SLC5A4: variants seen among roughly 807,000 people sequenced by gnomAD.
The protein encoded by SLC5A4 is solute carrier family 5 member 4.
Under a neutral mutation model 70.3 loss-of-function variants are expected in SLC5A4, and 55 were observed. The observed-to-expected ratio is 0.78, with a 90% CI of 0.63 to 0.98. The LOEUF is 0.98. Among genes scored for constraint, SLC5A4 ranks in the 50% least tolerant of loss-of-function variants. The probability of loss-of-function intolerance (pLI) is 0.00; values close to 1 mark genes in which losing one functional copy is unlikely to be tolerated. For missense variants in SLC5A4, 735 were observed against 839.2 expected (o/e 0.88, Z 1.53); for synonymous variants, 268 against 305.7 (o/e 0.88, Z 1.29).
chr22:32,327,289 A>G, the SLC5A4 span: 3 of 152,280 alleles, frequency 2.0e-5, no homozygotes, highest in Non-Finnish European at 4.4e-5. Flanking sequence ...GCACAGATCC[A>G]GGCTGATGAC....
chr22:32,239,552 A>ATT (rs1439299492), intron 5 of SLC5A4, among the ~76,000 whole-genome samples: 19 of 15,154 alleles, frequency 1.3e-3, no homozygotes, highest in African/African-American at 8.9e-3. Flanking sequence ...ATATATATAT[A>ATT]TATATATATA....
chr22:32,238,964 C>A (rs185715621), intron 6 of SLC5A4, 21 bp downstream of exon 6: 2 of 1,571,804 alleles, frequency 1.3e-6, no homozygotes, highest in African/African-American at 2.7e-5. Context: ...CCTGAGTGAG[C>A]AAAATATGCA....
At chr22:32,306,245 C>A in the SLC5A4 span, among the ~76,000 whole-genome samples, 1 of 152,080 alleles carries the variant, frequency 6.6e-6, no homozygotes, top group Non-Finnish European at 1.5e-5. Context: ...GCAGGCAGAT[C>A]ACGAGGTTAG....
the SLC5A4 span, among the ~76,000 whole-genome samples, chr22:32,342,673 T>C: frequency 6.6e-6 from 1 of 152,246 alleles, no homozygotes; most frequent in Admixed American, 6.5e-5. Flanking sequence ...GCTTATTTAA[T>C]AGTGTCCACT....
Position 32,234,825 on chromosome 22 carries a change from C to T in SLC5A4, c.885+48G>A, listed in dbSNP as rs372973820. 281 of 1,348,170 alleles carry T rather than the reference C, an allele frequency of 2.1e-4. No homozygotes were observed. The African/African-American group carries it at 3.5e-3, about 17-fold the overall frequency. 83.5% of individuals were successfully genotyped at this position (1,348,170 alleles called of 1,614,324 possible). On this transcript the variant is annotated intron_variant, in intron 8 of 14. Coordinates refer to ENST00000266086, the MANE Select transcript of SLC5A4 (RefSeq NM_014227.3). Reference sequence around the variant, plus strand: ...ACAAGCACATGCACACATACAGACACACAGACAGACAGACAGACAGACAGA... The same window carrying T: ...ACAAGCACATGCACACATACAGACATACAGACAGACAGACAGACAGACAGA...
the SLC5A4 span, among the ~76,000 whole-genome samples, chr22:32,335,029 G>A: frequency 3.3e-5 from 5 of 152,304 alleles, no homozygotes; most frequent in East Asian, 1.9e-4. Flanking sequence ...GGGCCAGCTC[G>A]CATGGAGGCT....
the SLC5A4 span, among the ~76,000 whole-genome samples, chr22:32,282,044 T>G: frequency 2.0e-5 from 3 of 151,834 alleles, no homozygotes; most frequent in African/African-American, 7.3e-5. Flanking sequence ...CGTTTCACCA[T>G]GTTGTCCAGG....
chr22:32,261,288 C>T, the SLC5A4 span, among the ~76,000 whole-genome samples: 1 of 152,248 alleles, frequency 6.6e-6, no homozygotes, highest in Admixed American at 6.5e-5. Flanking sequence ...CCATTGCAAC[C>T]TTAAGCTGCC....
At chr22:32,314,174 C>T in the SLC5A4 span, among the ~76,000 whole-genome samples, 326 of 152,268 alleles carry the variant, frequency 2.1e-3, 5 homozygotes, top group African/African-American at 7.4e-3. Flanking sequence ...TGAGAGATTC[C>T]GTGGGGCCAT....
At chr22:32,353,168 G>A in the SLC5A4 span, among the ~76,000 whole-genome samples, 1 of 152,170 alleles carries the variant, frequency 6.6e-6, no homozygotes, top group Non-Finnish European at 1.5e-5. Context: ...CTAGGGCCTG[G>A]AGTGGGGACT....
chr22:32,251,042 G>A (rs928571022), intron 3 of SLC5A4, among the ~76,000 whole-genome samples: 2 of 150,438 alleles, frequency 1.3e-5, no homozygotes, highest in South Asian at 2.1e-4. Context: ...GTTCACAGGT[G>A]CAGCAAACCA....
At chr22:32,257,773 C>T (rs533351726), upstream of SLC5A4, among the ~76,000 whole-genome samples, 3 of 151,530 alleles carry the variant, frequency 2.0e-5, no homozygotes, top group Non-Finnish European at 4.4e-5. Flanking sequence ...TCAAGCGATT[C>T]TCCTGCCTCA....
chr22:32,307,174 T>C, the SLC5A4 span, among the ~76,000 whole-genome samples: 6 of 148,344 alleles, frequency 4.0e-5, no homozygotes, highest in East Asian at 1.0e-3. Flanking sequence ...TGGAGGGTTG[T>C]GAACCCTGCA....
At chr22:32,348,856 A>G in the SLC5A4 span, among the ~76,000 whole-genome samples, 1 of 152,224 alleles carries the variant, frequency 6.6e-6, no homozygotes, top group Non-Finnish European at 1.5e-5. Flanking sequence ...TTTGGTCAAC[A>G]CGCTCAGACA....
At chr22:32,306,138 C>CCTTTATTAAAACCTAGGGACATTG in the SLC5A4 span, among the ~76,000 whole-genome samples, 1 of 152,162 alleles carries the variant, frequency 6.6e-6, no homozygotes, top group Admixed American at 6.5e-5. Context: ...ACATGACACT[C>CCTTTATTAAAACCTAGGGACATTG]CTTTATTAAA....
At chr22:32,330,456 T>G in the SLC5A4 span, among the ~76,000 whole-genome samples, 91 of 60,978 alleles carry the variant, frequency 1.5e-3, 1 homozygote, top group Non-Finnish European at 2.0e-3. Context: ...GGCTCTGGGG[T>G]GTGTGTGTGT....
At chr22:32,340,715 C>T in the SLC5A4 span, among the ~76,000 whole-genome samples, 6 of 152,030 alleles carry the variant, frequency 3.9e-5, no homozygotes, top group African/African-American at 7.2e-5. Context: ...GGGGCTGGTG[C>T]GGCTGCAGCC....
chr22:32,273,434 A>G, the SLC5A4 span: 4 of 162,004 alleles, frequency 2.5e-5, no homozygotes, highest in African/African-American at 9.6e-5. Context: ...AAATGGACAC[A>G]AAAACAAGAA....
the SLC5A4 span, among the ~76,000 whole-genome samples, chr22:32,325,976 C>T: frequency 9.0e-4 from 137 of 152,350 alleles, 2 homozygotes; most frequent in Middle Eastern, 0.02. Flanking sequence ...GAATCGGAAG[C>T]AGGGCCCACG....
Sources: allele counts gnomAD v4.1 joint callset (sites outside exome capture counted in the v4.1 genomes callset), GRCh38; gene constraint gnomAD v4.1.1; transcripts MANE v1.5; gene names NCBI Gene and HGNC (gene_info 2026-07-23, HGNC 2026-07-21).